FGF12: variants seen among roughly 807,000 people sequenced by gnomAD.
FGF12 encodes the protein fibroblast growth factor 12.
FGF12 carries 14 observed loss-of-function variants against 23.6 expected under a neutral mutation model. That is an observed-to-expected ratio of 0.59 (90% CI 0.39 to 0.93). The LOEUF (loss-of-function observed/expected upper bound fraction) is 0.93. FGF12 is among the 40% of genes least tolerant of loss of function. The pLI is 0.00. For synonymous variants in FGF12, 62 were observed against 77.3 expected (o/e 0.80, Z 1.04); for missense variants, 175 against 217.8 (o/e 0.80, Z 1.24).
chr3:192,209,009 TAAC>T (rs1329639119), intron 4 of FGF12, among the ~76,000 whole-genome samples: 1 of 152,238 alleles, frequency 6.6e-6, no homozygotes, highest in African/African-American at 2.4e-5. Flanking sequence ...ATGTGTTTGA[TAAC>T]AACACACGTT....
At chr3:192,435,518 C>G (rs956348570) in intron 2 of FGF12, among the ~76,000 whole-genome samples, 8 of 152,134 alleles carry the variant, frequency 5.3e-5, no homozygotes, top group Non-Finnish European at 1.0e-4. Context: ...CCATTTTGAC[C>G]ATGTGGTATC....
intron 2 of FGF12, among the ~76,000 whole-genome samples, chr3:192,630,933 C>G (rs189895484): frequency 2.1e-4 from 32 of 152,156 alleles, no homozygotes; most frequent in African/African-American, 7.7e-4. Context: ...TTCCCCCCAA[C>G]AGCTGAGGCT....
chr3:192,174,743 A>G (rs767436086), intron 4 of FGF12, among the ~76,000 whole-genome samples: 14 of 128,012 alleles, frequency 1.1e-4, no homozygotes, highest in Non-Finnish European at 1.6e-4. Flanking sequence ...CACGTGGAGT[A>G]AAAAAAAAAA....
chr3:192,444,227 G>T (rs1001405676), intron 2 of FGF12, among the ~76,000 whole-genome samples: 7 of 152,012 alleles, frequency 4.6e-5, no homozygotes, highest in African/African-American at 1.4e-4. Context: ...AGTTCTCTCC[G>T]GTCTGACCTT....
Position 192,654,656 on chromosome 3 carries a change from G to C in FGF12, c.13+72525C>G, listed in dbSNP as rs111466825. Among the ~76,000 whole-genome samples the C allele has an allele frequency of 5.1e-3, 777 of 152,288 alleles. 8 individuals carry two copies. The highest frequency in any genetic ancestry group is 0.018 in the African/African-American group (740 of 41,562). On this transcript the variant is annotated intron_variant, in intron 2 of 5. Coordinates refer to ENST00000445105, the MANE Select transcript of FGF12 (RefSeq NM_004113.6). ...TTACAGTGATTGAGGAAAAGTGACA[G>C]AGTCAGAAATGTTCAACGTGAAGCA...
intron 2 of FGF12, among the ~76,000 whole-genome samples, chr3:192,569,911 C>G (rs76273342): frequency 1.3e-4 from 20 of 152,036 alleles, no homozygotes; most frequent in African/African-American, 4.8e-4. Context: ...TGGGGAAGAA[C>G]AGGACTAAGG....
chr3:192,542,247 A>T (rs1053803500), intron 2 of FGF12, among the ~76,000 whole-genome samples: 1 of 151,976 alleles, frequency 6.6e-6, no homozygotes, highest in African/African-American at 2.4e-5. Context: ...CCCACTAATT[A>T]TCTCTTCCAC....
intron 2 of FGF12, among the ~76,000 whole-genome samples, chr3:192,588,223 T>C (rs551104806): frequency 8.7e-4 from 130 of 149,666 alleles, no homozygotes; most frequent in African/African-American, 3.0e-3. Context: ...GGTGGCGGGC[T>C]CCTGTAGTCC....
chr3:192,450,484 A>AT (rs1451832656), intron 2 of FGF12, among the ~76,000 whole-genome samples: 1 of 152,230 alleles, frequency 6.6e-6, no homozygotes, highest in Non-Finnish European at 1.5e-5. Context: ...AAAACTCAAC[A>AT]CAGGATACTG....
chr3:192,277,997 G>A (rs1006630693), intron 4 of FGF12, among the ~76,000 whole-genome samples: 1 of 149,464 alleles, frequency 6.7e-6, no homozygotes, highest in Non-Finnish European at 1.5e-5. Flanking sequence ...TCCTGACCTC[G>A]TGATCCACCT....
At chr3:192,411,488 G>A (rs1255050095) in intron 2 of FGF12, among the ~76,000 whole-genome samples, 1 of 152,192 alleles carries the variant, frequency 6.6e-6, no homozygotes, top group Admixed American at 6.5e-5. Flanking sequence ...AACAAGACAC[G>A]TGAAAAAGAC....
At chr3:192,437,419 G>A (rs192744636) in intron 2 of FGF12, among the ~76,000 whole-genome samples, 7 of 152,266 alleles carry the variant, frequency 4.6e-5, no homozygotes, top group African/African-American at 1.4e-4. Flanking sequence ...CTGGCCAGGC[G>A]CCGTGGCTCA....
intron 4 of FGF12, among the ~76,000 whole-genome samples, chr3:192,274,874 A>G (rs536408126): frequency 6.6e-6 from 1 of 152,310 alleles, no homozygotes; most frequent in African/African-American, 2.4e-5. Context: ...CAACGATGCC[A>G]TCAGTACAAA....
At position 192,201,048 on chromosome 3, in the gene FGF12, C is replaced by A. The variant is rs1717342542; in HGVS notation, c.229-30392G>T. ...ACAGCTTCAGATGTCTCCAGATAAT[C>A]CCTCTGTTAATTGTGAAGGGTCATC... is the stretch of plus-strand genomic sequence containing the variant. On this transcript the variant is annotated intron_variant, in intron 4 of 5. Coordinates refer to ENST00000445105, the MANE Select transcript of FGF12 (RefSeq NM_004113.6). 3.3e-5 allele frequency among the ~76,000 whole-genome samples: 5 copies of A among 152,238 alleles called. No individual in the cohort carries two copies. The South Asian group carries it at 1.0e-3, about 32-fold the overall frequency.
At chr3:192,157,840 T>C (rs1428242702) in intron 5 of FGF12, among the ~76,000 whole-genome samples, 1 of 152,222 alleles carries the variant, frequency 6.6e-6, no homozygotes, top group Non-Finnish European at 1.5e-5. Flanking sequence ...CTCATAATAA[T>C]ATCTAACGTT....
At chr3:192,376,491 T>C (rs1035914629) in intron 2 of FGF12, among the ~76,000 whole-genome samples, 3 of 151,938 alleles carry the variant, frequency 2.0e-5, no homozygotes, top group African/African-American at 7.2e-5. Flanking sequence ...GCCTCCCGAG[T>C]AGCTGGGATT....
chr3:192,652,496 A>C (rs1426961873), intron 2 of FGF12, among the ~76,000 whole-genome samples: 6 of 152,286 alleles, frequency 3.9e-5, no homozygotes, highest in South Asian at 2.1e-4. Context: ...TATCCTCTCT[A>C]TGTTTTTCAT....
intron 2 of FGF12, among the ~76,000 whole-genome samples, chr3:192,630,925 C>G (rs1715369158): frequency 6.6e-6 from 1 of 151,940 alleles, no homozygotes; most frequent in South Asian, 2.1e-4. Flanking sequence ...CACTCTTCTT[C>G]CCCCCAACAG....
At chr3:192,533,597 T>C (rs770900539) in intron 2 of FGF12, among the ~76,000 whole-genome samples, 1 of 152,190 alleles carries the variant, frequency 6.6e-6, no homozygotes, top group Non-Finnish European at 1.5e-5. Context: ...TTAAAGACAG[T>C]AAAATGTAAG....
Sources: allele counts gnomAD v4.1 joint callset (sites outside exome capture counted in the v4.1 genomes callset), GRCh38; gene constraint gnomAD v4.1.1; transcripts MANE v1.5; gene names NCBI Gene and HGNC (gene_info 2026-07-23, HGNC 2026-07-21).